Variants in KCNT2 observed in about 807,000 individuals in gnomAD.
KCNT2 encodes the protein potassium channel subfamily T member 2.
A neutral mutation model predicts 153.8 loss-of-function variants in KCNT2; 67 were observed. The observed-to-expected ratio is 0.44, with a 90% CI of 0.36 to 0.53. KCNT2 has a LOEUF of 0.53. Among genes scored for constraint, KCNT2 ranks in the 20% least tolerant of loss-of-function variants. The probability of loss-of-function intolerance (pLI) is 0.00; values close to 1 mark genes in which losing one functional copy is unlikely to be tolerated. For missense variants in KCNT2, 975 were observed against 1,354.8 expected, an observed-to-expected ratio of 0.72 and a Z score of 4.40; for synonymous variants, 500 against 458.8, an observed-to-expected ratio of 1.09 and a Z score of -1.15.
Position 196,267,315 on chromosome 1 carries a change from T to C in KCNT2, c.2911-8821A>G, listed in dbSNP as rs140598340. ...CAAGGCTCCCCAGTGTAGTCAAATT[T>C]CTGAGCATTATTTGATCAAAGGCTA... On this transcript the variant is annotated intron_variant, in intron 25 of 27. Transcript: ENST00000294725. Among the ~76,000 whole-genome samples the C allele has an allele frequency of 4.2e-3, 637 of 152,320 alleles. 4 individuals are homozygous for C. The highest frequency in any genetic ancestry group is 0.014 in the African/African-American group (575 of 41,576).
intron 12 of KCNT2, among the ~76,000 whole-genome samples, chr1:196,405,528 T>C (rs1343457493): frequency 6.6e-6 from 1 of 151,658 alleles, no homozygotes; most frequent in Non-Finnish European, 1.5e-5. Context: ...ATTATTTTAC[T>C]GAAATCCAAA....
chr1:196,329,566 A>G (rs1664232445), intron 18 of KCNT2, among the ~76,000 whole-genome samples: 1 of 151,788 alleles, frequency 6.6e-6, no homozygotes, highest in South Asian at 2.1e-4. Context: ...AAGTGAATCC[A>G]GGTTTTGTGG....
At chr1:196,431,418 G>A (rs572436323) in intron 8 of KCNT2, among the ~76,000 whole-genome samples, 1 of 152,110 alleles carries the variant, frequency 6.6e-6, no homozygotes, top group African/African-American at 2.4e-5. Context: ...CTCAGAAGAA[G>A]AGGAGAGTAG....
At chr1:196,402,887 T>C (rs1244911064) in intron 12 of KCNT2, among the ~76,000 whole-genome samples, 1 of 151,652 alleles carries the variant, frequency 6.6e-6, no homozygotes, top group African/African-American at 2.4e-5. Context: ...CTTTTCATAA[T>C]AGCTAAAATC....
intron 26 of KCNT2, among the ~76,000 whole-genome samples, chr1:196,247,495 G>A (rs1319207511): frequency 6.6e-6 from 1 of 152,174 alleles, no homozygotes; most frequent in Non-Finnish European, 1.5e-5. Flanking sequence ...AGAACCGCCT[G>A]AGACTGGGTA....
intron 3 of KCNT2, among the ~76,000 whole-genome samples, chr1:196,482,913 T>A (rs1279526291): frequency 6.6e-6 from 1 of 152,058 alleles, no homozygotes; most frequent in Non-Finnish European, 1.5e-5. Context: ...TCATCTTTAT[T>A]CCCTAAAAAT....
intron 1 of KCNT2, among the ~76,000 whole-genome samples, chr1:196,525,297 C>T (rs1275512475): frequency 6.6e-6 from 1 of 151,998 alleles, no homozygotes; most frequent in Non-Finnish European, 1.5e-5. Context: ...TCTGCCTTCT[C>T]GTTTCAGCTC....
chr1:196,598,014 T>C (rs1290179226), intron 1 of KCNT2, among the ~76,000 whole-genome samples: 3 of 152,080 alleles, frequency 2.0e-5, no homozygotes, highest in Admixed American at 6.5e-5. Flanking sequence ...GAAGCATAAA[T>C]AGGAAATCTT....
intron 26 of KCNT2, 78 bp from the exon 27 acceptor site, chr1:196,236,148 C>T: frequency 1.3e-6 from 1 of 796,752 alleles, no homozygotes; most frequent in Non-Finnish European, 2.2e-6. Flanking sequence ...AGCTTATATT[C>T]AAACCATATA....
Position 196,602,746 on chromosome 1 carries a change from T to TA in KCNT2, c.95+5468_95+5469insT, listed in dbSNP as rs759578498. Among the ~76,000 whole-genome samples the TA allele has an allele frequency of 2.6e-5, 4 of 151,422 alleles. No individual in the cohort carries two copies. In the East Asian group the frequency reaches 5.8e-4, roughly 22 times the overall value. On this transcript the variant is annotated intron_variant, in intron 1 of 27. Transcript: ENST00000294725. ...TACATTTTTCTCTGCATTTTATGTA[T>TA]TACACTATATATATTCAAAGTCTAT...
At chr1:196,536,068 A>T (rs1347283916) in intron 1 of KCNT2, among the ~76,000 whole-genome samples, 1 of 152,232 alleles carries the variant, frequency 6.6e-6, no homozygotes, top group Non-Finnish European at 1.5e-5. Context: ...CCACAGCAGT[A>T]ATAAAGGGAG....
chr1:196,479,796 C>A (rs528328559), intron 4 of KCNT2, among the ~76,000 whole-genome samples: 1 of 152,272 alleles, frequency 6.6e-6, no homozygotes, highest in Non-Finnish European at 1.5e-5. Context: ...ACCATCTGTA[C>A]CAAAATCAGT....
At chr1:196,578,587 G>C (rs569794243) in intron 1 of KCNT2, among the ~76,000 whole-genome samples, 87 of 152,188 alleles carry the variant, frequency 5.7e-4, no homozygotes, top group African/African-American at 2.0e-3. Context: ...CTACTGCAGG[G>C]GCTATGTTAA....
At chr1:196,608,182 A>G in intron 1 of KCNT2, 33 bp downstream of exon 1, 1 of 1,591,920 alleles carries the variant, frequency 6.3e-7, no homozygotes, top group Non-Finnish European at 8.6e-7. Flanking sequence ...TTTCAGCAAT[A>G]TTTACAGAAC....
At chr1:196,408,484 T>G (rs1672017750) in intron 12 of KCNT2, among the ~76,000 whole-genome samples, 1 of 151,718 alleles carries the variant, frequency 6.6e-6, no homozygotes, top group Non-Finnish European at 1.5e-5. Context: ...AAGTCCATAA[T>G]TATTGTCTCC....
intron 1 of KCNT2, among the ~76,000 whole-genome samples, chr1:196,574,022 TA>T (rs1186645433): frequency 2.0e-5 from 3 of 151,864 alleles, no homozygotes; most frequent in Non-Finnish European, 4.4e-5. Flanking sequence ...AACCGGATGA[TA>T]AAGGAACAAT....
chr1:196,494,538 A>G (rs1168340579), intron 1 of KCNT2, among the ~76,000 whole-genome samples: 1 of 152,050 alleles, frequency 6.6e-6, no homozygotes, highest in African/African-American at 2.4e-5. Context: ...AGCCGGGACT[A>G]CAGGCGCCAG....
chr1:196,603,667 G>A (rs1417497579), intron 1 of KCNT2, among the ~76,000 whole-genome samples: 1 of 152,120 alleles, frequency 6.6e-6, no homozygotes, highest in Admixed American at 6.6e-5. Flanking sequence ...TACTTCTAAA[G>A]GCCACCTATA....
Position 196,258,287 on chromosome 1 carries a change from G to C in KCNT2, c.3118C>G (p.Arg1040Gly). Residue 1040 changes from arginine (R) to glycine (G), a missense_variant, in exon 26 of 28, where the codon CGA becomes GGA. Around this residue, in one of 6 missense-constraint regions of KCNT2, gnomAD observed 241 missense variants for 271.1 expected, o/e 0.89. Coordinates refer to ENST00000294725, the MANE Select transcript of KCNT2 (RefSeq NM_198503.5). ...TCTGACCTCCTGTAGAGGTTCAGTC[G>C]CTGCTGGGTTATTTTTTCAGCTGTT... is the stretch of plus-strand genomic sequence containing the variant. ...GKTAEKITQQ[R>G]LNLYRRSERQ... The C allele has an allele frequency of 6.2e-7, 1 of 1,613,982 alleles. No individual in the cohort carries two copies. The highest frequency in any genetic ancestry group is 8.5e-7 in the Non-Finnish European group (1 of 1,179,954).
Sources: gnomAD v4.1 joint callset for allele counts (sites outside exome capture counted in the v4.1 genomes callset) on GRCh38, gnomAD v4.1.1 for gene constraint, gnomAD v4.1.1 regional missense constraint, MANE v1.5 for transcripts, NCBI Gene and HGNC (gene_info 2026-07-23, HGNC 2026-07-21) for gene names.